Variants in STEAP3 observed in about 807,000 individuals in gnomAD.
STEAP3 encodes the protein metalloreductase STEAP3.
Under a neutral mutation model 34.9 loss-of-function variants are expected in STEAP3, and 35 were observed. The ratio of observed to expected loss-of-function variants is 1.00; its 90% confidence interval spans 0.76 to 1.33. The LOEUF is 1.33. Ranked by LOEUF, STEAP3 falls within the 40% of genes most tolerant of loss-of-function variation. The pLI, the probability that STEAP3 is intolerant of heterozygous loss-of-function variation, is 0.00. For missense variants in STEAP3, 652 were observed against 667.6 expected (o/e 0.98, Z 0.26); for synonymous variants, 281 against 301.6 (o/e 0.93, Z 0.71).
chr2:119,241,069 C>T (rs1388002621), intron 2 of STEAP3, among the ~76,000 whole-genome samples: 4 of 148,702 alleles, frequency 2.7e-5, no homozygotes, highest in Admixed American at 1.4e-4. Flanking sequence ...GACACGTGCA[C>T]ACACACACAC....
intron 5 of STEAP3, among the ~76,000 whole-genome samples, chr2:119,259,021 A>G (rs954295877): frequency 6.6e-6 from 1 of 151,180 alleles, no homozygotes; most frequent in Non-Finnish European, 1.5e-5. Context: ...TTAGACTGCA[A>G]AATACTCCAG....
At chr2:119,234,760 T>C (rs1305604601) in intron 2 of STEAP3, among the ~76,000 whole-genome samples, 2 of 152,204 alleles carry the variant, frequency 1.3e-5, no homozygotes, top group African/African-American at 4.8e-5. Context: ...GGGATTACTA[T>C]GTAAATGGCA....
chr2:119,245,368 G>C, intron 2 of STEAP3, 121 bp from the exon 3 acceptor site: 1 of 1,423,164 alleles, frequency 7.0e-7, no homozygotes. Context: ...GGTAGCACTC[G>C]GTGAACACCT....
chr2:119,229,783 T>A (rs1679158201), intron 1 of STEAP3, among the ~76,000 whole-genome samples: 1 of 148,268 alleles, frequency 6.7e-6, no homozygotes, highest in South Asian at 2.1e-4. Flanking sequence ...AGATTGGAGA[T>A]GGAAAGAATG....
intron 5 of STEAP3, among the ~76,000 whole-genome samples, chr2:119,261,272 G>A (rs1323473717): frequency 6.6e-6 from 1 of 152,132 alleles, no homozygotes; most frequent in Non-Finnish European, 1.5e-5. Flanking sequence ...GCTCTGGATT[G>A]ATGCCAACAA....
Position 119,245,632 on chromosome 2 carries a change from C to T in STEAP3, c.166C>T (p.Arg56Cys), listed in dbSNP as rs757338271. 8.7e-5 allele frequency: 140 copies of T among 1,611,030 alleles called. No homozygotes were observed. Among genetic ancestry groups the T allele is most frequent in the South Asian group, 5.7e-4 (52 of 91,056 alleles). ...GGACTTTGCCCGCTCCCTGGCCACA[C>T]GCCTGGTGGGCTCTGGCTTCAAAGT... Reference protein sequence around the residue: ...SGDFARSLATRLVGSGFKVVV... With the variant: ...SGDFARSLATCLVGSGFKVVV... The change falls in exon 3 of 6, where the codon CGC (arginine) becomes TGC (cysteine). Residue 56 changes from arginine to cysteine, a missense_variant. Coordinates refer to ENST00000393110, the MANE Select transcript of STEAP3 (RefSeq NM_182915.3).
chr2:119,251,022 C>T (rs1677609970), intron 4 of STEAP3, among the ~76,000 whole-genome samples: 1 of 152,152 alleles, frequency 6.6e-6, no homozygotes, highest in Admixed American at 6.5e-5. Flanking sequence ...GGGCTTGACA[C>T]ACAGCAGCCC....
At chr2:119,228,912 C>A (rs919729026) in intron 1 of STEAP3, among the ~76,000 whole-genome samples, 1 of 152,162 alleles carries the variant, frequency 6.6e-6, no homozygotes, top group Non-Finnish European at 1.5e-5. Context: ...AACGCGTACT[C>A]TCCAGCTCCT....
At chr2:119,260,501 G>A (rs111696295) in intron 5 of STEAP3, among the ~76,000 whole-genome samples, 3,290 of 152,140 alleles carry the variant, frequency 0.022, 100 homozygotes, top group African/African-American at 0.074. Context: ...TATCCATGTC[G>A]GTCAGGCTGG....
chr2:119,237,456 C>T (rs1189693016), intron 2 of STEAP3, among the ~76,000 whole-genome samples: 3 of 152,168 alleles, frequency 2.0e-5, no homozygotes, highest in Admixed American at 6.5e-5. Flanking sequence ...TTACTTGCTC[C>T]TCTGCCCTCC....
chr2:119,229,806 G>A (rs1383020477), intron 1 of STEAP3, among the ~76,000 whole-genome samples: 1 of 152,032 alleles, frequency 6.6e-6, no homozygotes, highest in Non-Finnish European at 1.5e-5. Flanking sequence ...ATTGGCTGTG[G>A]TGGGGGGTGG....
chr2:119,237,701 CA>C (rs2104803983), intron 2 of STEAP3, among the ~76,000 whole-genome samples: 1 of 152,322 alleles, frequency 6.6e-6, no homozygotes, highest in South Asian at 2.1e-4. Context: ...AGCAGTCTGC[CA>C]TACCTCAATT....
At position 119,230,963 on chromosome 2, in the gene STEAP3, C is replaced by T. The variant is rs193243905; in HGVS notation, c.-50C>T. 134 of 1,612,330 alleles carry T rather than the reference C, an allele frequency of 8.3e-5. No homozygotes were observed. In the East Asian group the frequency reaches 1.7e-3, roughly 20 times the overall value. On this transcript the variant is annotated 5_prime_UTR_variant, in exon 2 of 6. It adds an upstream start codon to the 5' untranslated region. Coordinates refer to ENST00000393110, the MANE Select transcript of STEAP3 (RefSeq NM_182915.3). ...GAGCCAGAAAGGGTGGCTCACCTCA[C>T]GGTGAGGCTGTCGAGTGACCTGAGA...
Position 119,264,811 on chromosome 2 carries a change from C to CG in STEAP3, c.*1473_*1474insG, listed in dbSNP as rs1345519140. 2 of 128,236 alleles carry CG rather than the reference C, an allele frequency of 1.6e-5. No individual in the cohort carries two copies. The highest frequency in any genetic ancestry group is 5.7e-5 in the African/African-American group (2 of 35,088). The allele number at this position is 128,236 out of a possible 1,614,324, so 7.9% of individuals were successfully genotyped here. ...CAGATGAGGCTGCCCCTGCCCCCCC[C>CG]CCGCCAGGGAGGTTTCATGAGCTCA... On this transcript the variant is annotated 3_prime_UTR_variant, in exon 6 of 6. Transcript: ENST00000393110.
chr2:119,245,798 G>A lies in STEAP3; in HGVS notation c.332G>A (p.Ser111Asn). ...CGGGAGCACTACTCTTCACTGTGCA[G>A]TCTCAGTGACCAGCTGGCGGGCAAG... ...VFREHYSSLC[S>N]LSDQLAGKIL... Residue 111 changes from serine (S) to asparagine (N), a missense_variant, in exon 3 of 6, where the codon AGT (serine) becomes AAT (asparagine). By Grantham distance (46) the Ser-to-Asn change is conservative (BLOSUM62 1). Coordinates refer to ENST00000393110, the MANE Select transcript of STEAP3 (RefSeq NM_182915.3). 6.2e-7 allele frequency: 1 copy of A among 1,614,238 alleles called. No homozygotes were observed. The highest frequency in any genetic ancestry group is 8.5e-7 in the Non-Finnish European group (1 of 1,180,044).
At chr2:119,258,241 A>C (rs977685838) in intron 5 of STEAP3, among the ~76,000 whole-genome samples, 1 of 141,468 alleles carries the variant, frequency 7.1e-6, no homozygotes, top group African/African-American at 2.6e-5. Context: ...ATAATGAGCA[A>C]CGAGGTCACT....
chr2:119,242,421 G>A (rs1393178251), intron 2 of STEAP3, among the ~76,000 whole-genome samples: 1 of 152,168 alleles, frequency 6.6e-6, no homozygotes, highest in Non-Finnish European at 1.5e-5. Context: ...AGGAGAAGAG[G>A]GATTTGAATT....
At chr2:119,239,063 G>A (rs1275646913) in intron 2 of STEAP3, among the ~76,000 whole-genome samples, 4 of 152,176 alleles carry the variant, frequency 2.6e-5, no homozygotes, top group African/African-American at 9.7e-5. Context: ...TGCCCCAGGT[G>A]TATATGGCCC....
At chr2:119,223,942 G>A (rs776477779) in intron 1 of STEAP3, 54 bp downstream of exon 1, 1 of 152,290 alleles carries the variant, frequency 6.6e-6, no homozygotes, top group Non-Finnish European at 1.5e-5. Flanking sequence ...CCCGGTCCCC[G>A]AGACGCCCGC....
Sources: allele counts gnomAD v4.1 joint callset (sites outside exome capture counted in the v4.1 genomes callset), GRCh38; gene constraint gnomAD v4.1.1; transcripts MANE v1.5; gene names NCBI Gene and HGNC (gene_info 2026-07-23, HGNC 2026-07-21).